The following ELOVL5 variants were observed in gnomAD, a reference collection of about 807,000 sequenced individuals.
ELOVL5 encodes the protein very long chain fatty acid elongase 5.
ELOVL5 carries 8 observed loss-of-function variants against 38.6 expected under a neutral mutation model. The observed-to-expected ratio is 0.21, with a 90% confidence interval of 0.12 to 0.37. The LOEUF (loss-of-function observed/expected upper bound fraction) is 0.37. ELOVL5 is among the 10% of genes least tolerant of loss of function. ELOVL5 has a pLI of 1.00. For missense variants in ELOVL5, 280 were observed against 367.8 expected, an observed-to-expected ratio of 0.76 and a Z score of 1.95; for synonymous variants, 127 against 133.7, an observed-to-expected ratio of 0.95 and a Z score of 0.34.
rs1442248411 is a variant in ELOVL5 at position 53,348,807 on chromosome 6, A to G, written c.-9+10T>C. On this transcript the variant is annotated intron_variant, in intron 1 of 7. Transcript: ENST00000304434. ...CCCCCGACGAAGTTTCCCGGAGCTG[A>G]CGGCTTTACCTTTTAGCCCAAGGGG... 1 of 454,866 alleles carries G rather than the reference A, an allele frequency of 2.2e-6. No homozygotes were observed. Among genetic ancestry groups the G allele is most frequent in the Non-Finnish European group, 4.4e-6 (1 of 226,474 alleles). The allele number at this position is 454,866 out of a possible 1,614,324, so 28.2% of individuals were successfully genotyped here.
intron 2 of ELOVL5, chr6:53,294,014 T>TA: frequency 1.0e-6 from 1 of 999,058 alleles, no homozygotes; most frequent in Non-Finnish European, 1.3e-6. Context: ...AGTTCCCACT[T>TA]AGCAACTAAC....
chr6:53,347,514 G>A (rs1769605716), intron 1 of ELOVL5, among the ~76,000 whole-genome samples: 1 of 152,178 alleles, frequency 6.6e-6, no homozygotes, highest in Admixed American at 6.5e-5. Flanking sequence ...AGACCAACAG[G>A]TTATCTGCCA....
rs934775667 is a variant in ELOVL5 at position 53,346,676 on chromosome 6, A to C, written c.-9+2141T>G. Reference sequence around the variant, plus strand: ...GCAAGAGGTAAAACTCTCTCTTCACACTAACTACCCACCTAGGCACCAAAG... The same window carrying C: ...GCAAGAGGTAAAACTCTCTCTTCACCCTAACTACCCACCTAGGCACCAAAG... On this transcript the variant is annotated intron_variant, in intron 1 of 7. Coordinates refer to ENST00000304434, the MANE Select transcript of ELOVL5 (RefSeq NM_021814.5). Among the ~76,000 whole-genome samples, 21 of 152,060 alleles carry C rather than the reference A, an allele frequency of 1.4e-4. 1 individual carries two copies. The highest frequency in any genetic ancestry group is 1.2e-3 in the Admixed American group (18 of 15,272).
chr6:53,346,628 G>C (rs533845886), intron 1 of ELOVL5, among the ~76,000 whole-genome samples: 1 of 152,218 alleles, frequency 6.6e-6, no homozygotes, highest in South Asian at 2.1e-4. Context: ...AATCTTTTAG[G>C]AGAGAAGAAT....
intron 3 of ELOVL5, among the ~76,000 whole-genome samples, chr6:53,278,170 T>C (rs574420623): frequency 1.7e-4 from 26 of 152,324 alleles, no homozygotes; most frequent in Middle Eastern, 6.8e-3. Context: ...CATCACTGTT[T>C]TTTCCAGCGA....
chr6:53,275,199 G>A lies in ELOVL5; in HGVS notation c.387C>T (p.Phe129=), dbSNP rs2127567310. 6.2e-7 allele frequency: 1 copy of A among 1,614,198 alleles called. No homozygotes were observed. Among genetic ancestry groups the A allele is most frequent in the East Asian group, 2.2e-5 (1 of 44,886 alleles). Residue 129 remains phenylalanine, a synonymous_variant, in exon 5 of 8, where the codon TTC becomes TTT. Transcript: ENST00000304434. ...SKLIEFMDTF[F]FILRKNNHQI... ...GGTGGTTGTTCTTGCGCAGGATGAA[G>A]AAGAAAGTGTCCATAAATTCTATGA...
intron 3 of ELOVL5, among the ~76,000 whole-genome samples, chr6:53,280,946 T>C (rs1398577359): frequency 6.6e-6 from 1 of 152,126 alleles, no homozygotes; most frequent in Non-Finnish European, 1.5e-5. Flanking sequence ...TAATAACACA[T>C]TTAACCACAA....
chr6:53,346,801 C>T (rs1191749928), intron 1 of ELOVL5, among the ~76,000 whole-genome samples: 1 of 152,124 alleles, frequency 6.6e-6, no homozygotes, highest in Non-Finnish European at 1.5e-5. Context: ...AGCAGGAAGA[C>T]AAGCAACCAT....
intron 3 of ELOVL5, chr6:53,290,168 C>G (rs902858929): frequency 6.6e-6 from 1 of 152,184 alleles, no homozygotes; most frequent in Non-Finnish European, 1.5e-5. Flanking sequence ...CAGTGTTTTT[C>G]TTCTCTTTAC....
At chr6:53,323,901 A>G (rs892093144) in intron 1 of ELOVL5, among the ~76,000 whole-genome samples, 1 of 152,204 alleles carries the variant, frequency 6.6e-6, no homozygotes, top group African/African-American at 2.4e-5. Context: ...TAAAGCCAGG[A>G]TAAGTAACAA....
At chr6:53,296,862 C>G (rs986122082) in intron 1 of ELOVL5, among the ~76,000 whole-genome samples, 5 of 152,180 alleles carry the variant, frequency 3.3e-5, no homozygotes, top group African/African-American at 9.7e-5. Context: ...ATTAACTAAG[C>G]TGTTAATCAT....
chr6:53,345,183 C>T lies in ELOVL5; in HGVS notation c.-9+3634G>A, dbSNP rs1457853503. 3.3e-5 allele frequency among the ~76,000 whole-genome samples: 5 copies of T among 152,276 alleles called. No individual in the cohort carries two copies. In the East Asian group the frequency reaches 7.7e-4, roughly 23 times the overall value. On this transcript the variant is annotated intron_variant, in intron 1 of 7. Transcript: ENST00000304434. ...GGGTGGCAGGAAGTCAGGGAATCCC[C>T]ATGTGAGATTATGGTGGCAGCTGCT...
intron 1 of ELOVL5, among the ~76,000 whole-genome samples, chr6:53,309,285 A>T (rs1211939951): frequency 6.6e-6 from 1 of 152,192 alleles, no homozygotes; most frequent in Non-Finnish European, 1.5e-5. Context: ...GCAGTATGGA[A>T]CACTGCTGAC....
intron 3 of ELOVL5, chr6:53,277,610 A>G (rs906732129): frequency 2.0e-5 from 3 of 152,228 alleles, no homozygotes; most frequent in Non-Finnish European, 4.4e-5. Context: ...CACACAACAA[A>G]CTATTCTATA....
chr6:53,302,367 C>T (rs1767291056), intron 1 of ELOVL5, among the ~76,000 whole-genome samples: 2 of 152,212 alleles, frequency 1.3e-5, no homozygotes. Flanking sequence ...GCAAATCAGT[C>T]CCCCTCCACC....
chr6:53,335,367 T>C (rs1175731183), intron 1 of ELOVL5, among the ~76,000 whole-genome samples: 1 of 152,192 alleles, frequency 6.6e-6, no homozygotes, highest in African/African-American at 2.4e-5. Flanking sequence ...CTACTTTCTG[T>C]TCCTCATATG....
intron 1 of ELOVL5, among the ~76,000 whole-genome samples, chr6:53,320,210 G>A (rs1033881227): frequency 3.9e-5 from 6 of 151,966 alleles, no homozygotes; most frequent in East Asian, 3.9e-4. Context: ...CCTGCTACTC[G>A]GGAGCCTGAG....
At chr6:53,284,599 A>G (rs1581931090) in intron 3 of ELOVL5, among the ~76,000 whole-genome samples, 2 of 152,356 alleles carry the variant, frequency 1.3e-5, no homozygotes, top group East Asian at 3.9e-4. Flanking sequence ...AAGGTGACAG[A>G]AAGTACAGGC....
Position 53,294,380 on chromosome 6 carries a change from C to A in ELOVL5, c.58+1262G>T, listed in dbSNP as rs940411670. On this transcript the variant is annotated intron_variant, in intron 2 of 7. Transcript: ENST00000304434. Reference sequence around the variant, plus strand: ...AACAACTTCTTTATGCTTAAAACCACACAAATGAAACATTTTTTCTTCTTC... The same window carrying A: ...AACAACTTCTTTATGCTTAAAACCAAACAAATGAAACATTTTTTCTTCTTC... The A allele has an allele frequency of 1.9e-6, 3 of 1,561,508 alleles. No individual in the cohort carries two copies. In the African/African-American group the frequency reaches 4.1e-5, roughly 21 times the overall value.
Sources: gnomAD v4.1 joint callset for allele counts (sites outside exome capture counted in the v4.1 genomes callset) on GRCh38, gnomAD v4.1.1 for gene constraint, MANE v1.5 for transcripts, NCBI Gene and HGNC (gene_info 2026-07-23, HGNC 2026-07-21) for gene names.